The following PHTF2 variants were observed in gnomAD, a reference collection of about 807,000 sequenced individuals.
The protein encoded by PHTF2 is protein PHTF2.
Under a neutral mutation model 101.2 loss-of-function variants are expected in PHTF2, and 60 were observed. The observed-to-expected ratio is 0.59, with a 90% CI of 0.48 to 0.73. PHTF2 has a LOEUF of 0.73. PHTF2 is among the 30% of genes least tolerant of loss of function. The pLI, the probability that PHTF2 is intolerant of heterozygous loss-of-function variation, is 0.00. For missense variants in PHTF2, 747 were observed against 908.7 expected (o/e 0.82, Z 2.29); for synonymous variants, 311 against 307.3 (o/e 1.01, Z -0.13).
intron 11 of PHTF2, 45 bp from the exon 11 acceptor site, chr7:77,929,064 A>C (rs1356435908): frequency 7.2e-7 from 1 of 1,396,756 alleles, no homozygotes; most frequent in African/African-American, 1.4e-5. Flanking sequence ...TGAGTTGGAA[A>C]GAGTACATAA....
intron 16 of PHTF2, among the ~76,000 whole-genome samples, chr7:77,944,446 T>A: frequency 6.6e-6 from 1 of 152,216 alleles, no homozygotes; most frequent in Non-Finnish European, 1.5e-5. Context: ...ATTATAACTC[T>A]TCCCTTACTA....
chr7:77,815,855 G>A (rs985974109), intron 1 of PHTF2, among the ~76,000 whole-genome samples: 3 of 151,992 alleles, frequency 2.0e-5, no homozygotes, highest in African/African-American at 7.3e-5. Flanking sequence ...CTCTACTATT[G>A]CTGTCTGCTG....
At chr7:77,908,657 C>T in intron 7 of PHTF2, 136 bp from the exon 7 acceptor site, 1 of 540,890 alleles carries the variant, frequency 1.8e-6, no homozygotes, top group Non-Finnish European at 3.2e-6. Flanking sequence ...GAGAGCTTGT[C>T]TCTATAGTAA....
exon 6 of PHTF2, chr7:77,900,765 G>A (rs754270411): frequency 6.4e-7 from 1 of 1,550,778 alleles, no homozygotes; most frequent in Non-Finnish European, 8.9e-7. Flanking sequence ...CCTCATAGAT[G>A]TTGATCTTGT....
At chr7:77,940,204 A>G (rs1805523735) in exon 14 of PHTF2, 2 of 1,613,686 alleles carry the variant, frequency 1.2e-6, no homozygotes. Flanking sequence ...TGAAGATGTC[A>G]TAGTTCTTTC....
intron 5 of PHTF2, among the ~76,000 whole-genome samples, chr7:77,894,404 T>A (rs1028801697): frequency 1.3e-5 from 2 of 152,212 alleles, no homozygotes; most frequent in African/African-American, 2.4e-5. Flanking sequence ...TACTTGACAT[T>A]TTCTATTTTG....
At chr7:77,846,520 T>G (rs1359278650) in intron 2 of PHTF2, among the ~76,000 whole-genome samples, 1 of 151,718 alleles carries the variant, frequency 6.6e-6, no homozygotes, top group African/African-American at 2.4e-5. Flanking sequence ...TGAGGCACTG[T>G]TGCCTGAAAT....
chr7:77,850,360 C>CAA lies in PHTF2; in HGVS notation c.46-4349_46-4348dup, dbSNP rs71082789. On this transcript the variant is annotated intron_variant, in intron 2 of 19. Coordinates refer to ENST00000416283, the Ensembl canonical transcript of PHTF2. ...TGAAAGACAAAGCAAGACCTTGTCT[C>CAA]AAAAAAAAAAAAAAAAAAAAAAAAA... Among the ~76,000 whole-genome samples the CAA allele has an allele frequency of 1.2e-3, 53 of 44,322 alleles. 2 individuals carry two copies. The highest frequency in any genetic ancestry group is 1.8e-3 in the African/African-American group (21 of 11,562). 29.1% of individuals were successfully genotyped at this position (44,322 alleles called of 152,430 possible).
chr7:77,850,445 G>A (rs1461258048), intron 2 of PHTF2, among the ~76,000 whole-genome samples: 1 of 147,450 alleles, frequency 6.8e-6, no homozygotes, highest in East Asian at 2.0e-4. Flanking sequence ...TTCAAGAGCA[G>A]CCAGGCAACA....
At chr7:77,821,707 C>CG (rs529089870) in intron 1 of PHTF2, among the ~76,000 whole-genome samples, 188 of 151,898 alleles carry the variant, frequency 1.2e-3, no homozygotes, top group East Asian at 4.3e-3. Context: ...ATCTGTCTAC[C>CG]GGGGGGGCCC....
intron 1 of PHTF2, among the ~76,000 whole-genome samples, chr7:77,801,389 C>A (rs1246095352): frequency 6.6e-6 from 1 of 152,100 alleles, no homozygotes; most frequent in African/African-American, 2.4e-5. Flanking sequence ...AGTTCAAGAC[C>A]AGCCTGACCA....
chr7:77,924,666 G>A (rs1282480332), intron 11 of PHTF2, among the ~76,000 whole-genome samples: 3 of 152,178 alleles, frequency 2.0e-5, no homozygotes, highest in Non-Finnish European at 2.9e-5. Flanking sequence ...GTAAGATAAT[G>A]GGTCAGGAAC....
At chr7:77,918,208 C>G (rs1013629362) in intron 9 of PHTF2, among the ~76,000 whole-genome samples, 3 of 152,136 alleles carry the variant, frequency 2.0e-5, no homozygotes, top group Non-Finnish European at 2.9e-5. Flanking sequence ...ACCCTCACCC[C>G]CCTACCACCA....
At chr7:77,935,649 G>C (rs933794499) in intron 12 of PHTF2, among the ~76,000 whole-genome samples, 2 of 152,158 alleles carry the variant, frequency 1.3e-5, no homozygotes, top group African/African-American at 4.8e-5. Flanking sequence ...AGATGTAAAA[G>C]GAGTGCTTTT....
rs1296801429 is a variant in PHTF2, at chr7:77,853,465, C to G, written c.46-1268C>G. Among the ~76,000 whole-genome samples, 3 of 151,772 alleles carry G rather than the reference C, an allele frequency of 2.0e-5. No individual in the cohort carries two copies. The East Asian group carries it at 5.8e-4, about 29-fold the overall frequency. On this transcript the variant is annotated intron_variant, in intron 2 of 19. Transcript: ENST00000416283. ...CTGGAGTGCAGTGGTGTGATCTCAGCTCATTGCAGCCTCTGCCTCCTTGGT... is the reference window on the plus strand; with the variant it reads ...CTGGAGTGCAGTGGTGTGATCTCAGGTCATTGCAGCCTCTGCCTCCTTGGT...
intron 19 of PHTF2, among the ~76,000 whole-genome samples, chr7:77,954,612 G>GTGTGTATATATGTA (rs1426693429): frequency 1.1e-5 from 1 of 90,194 alleles, no homozygotes; most frequent in Non-Finnish European, 2.1e-5. Flanking sequence ...CAAGTACTGT[G>GTGTGTATATATGTA]TATATATATA....
chr7:77,908,888 A>G, exon 8 of PHTF2: 1 of 1,613,444 alleles, frequency 6.2e-7, no homozygotes. Flanking sequence ...GCTCCTGGGA[A>G]CTGTGCATTG....
intron 2 of PHTF2, among the ~76,000 whole-genome samples, chr7:77,852,079 G>A (rs981049889): frequency 1.3e-5 from 2 of 152,158 alleles, no homozygotes; most frequent in African/African-American, 4.8e-5. Context: ...AGGCTGCAGT[G>A]CAGTGGCACA....
At chr7:77,947,192 G>A (rs1806122946) in intron 16 of PHTF2, among the ~76,000 whole-genome samples, 1 of 151,994 alleles carries the variant, frequency 6.6e-6, no homozygotes, top group Non-Finnish European at 1.5e-5. Context: ...AAAGATTCCC[G>A]AGAATAATTC....
Sources: gnomAD v4.1 joint callset for allele counts (sites outside exome capture counted in the v4.1 genomes callset) on GRCh38, gnomAD v4.1.1 for gene constraint, MANE v1.5 for transcripts, NCBI Gene and HGNC (gene_info 2026-07-23, HGNC 2026-07-21) for gene names.